Variants in GNLY observed in about 807,000 individuals in gnomAD.
GNLY encodes T-cell activation protein 519.
In GNLY, 15 loss-of-function variants were observed where a neutral mutation model predicts 18.5. The observed-to-expected ratio is 0.81, with a 90% CI of 0.54 to 1.25. The LOEUF is 1.25. GNLY is among the 50% of genes most tolerant of loss of function. The pLI, the probability that GNLY is intolerant of heterozygous loss-of-function variation, is 0.00. For synonymous variants in GNLY, 77 were observed against 74.9 expected, an observed-to-expected ratio of 1.03 and a Z score of -0.14; for missense variants, 178 against 186.9, an observed-to-expected ratio of 0.95 and a Z score of 0.28.
At chr2:85,696,341 A>G (rs1197210240) in intron 3 of GNLY, 8 of 368,230 alleles carry the variant, frequency 2.2e-5, no homozygotes, top group Non-Finnish European at 3.0e-5. Context: ...ATCTTCCCCT[A>G]AAGCCCTAAC....
chr2:85,698,267 G>T (rs1678536696), intron 4 of GNLY: 3 of 632,888 alleles, frequency 4.7e-6, no homozygotes, highest in Non-Finnish European at 8.7e-6. Context: ...AGGAAATGGG[G>T]CCAGAAAGGG....
intron 1 of GNLY, 106 bp from the exon 2 acceptor site, chr2:85,695,214 T>C: frequency 2.3e-6 from 2 of 886,652 alleles, no homozygotes; most frequent in South Asian, 2.9e-5. Flanking sequence ...AAGGCCCAGC[T>C]CCTGTCCTAG....
Position 85,697,571 on chromosome 2 carries a change from C to A in GNLY, c.321C>A (p.Cys107Ter). 6.2e-7 allele frequency: 1 copy of A among 1,613,298 alleles called. No homozygotes were observed. Among genetic ancestry groups the A allele is most frequent in the Non-Finnish European group, 8.5e-7 (1 of 1,179,528 alleles). ...RTGRSRWRDV[C>*]RNFMRRYQSR... ...GGAGGTCACGATGGCGCGACGTCTG[C>A]AGAAATTTCATGAGGAGGTATCAGT... The change falls in exon 4 of 5, where the codon TGC becomes TGA. Residue 107 changes from cysteine (C) to a stop codon, truncating the protein, a stop_gained. Coordinates refer to ENST00000263863, the MANE Select transcript of GNLY (RefSeq NM_006433.5). LOFTEE classifies it high-confidence loss of function.
chr2:85,695,403 C>T lies in GNLY; in HGVS notation c.136C>T (p.Leu46=). The change falls in exon 2 of 5, where the codon CTG becomes TTG. Residue 46 remains leucine, a synonymous_variant. Transcript: ENST00000263863. ...TGATGAGGAGAAATCCTGCCCGTGCCTGGCCCAGGAGGGCCCCCAGGTACG... is the reference window on the plus strand; with the variant it reads ...TGATGAGGAGAAATCCTGCCCGTGCTTGGCCCAGGAGGGCCCCCAGGTACG... The part of the protein sequence containing the change: ...LRDEEKSCPC[L]AQEGPQGDLL... 7 of 1,611,150 alleles carry T rather than the reference C, an allele frequency of 4.3e-6. No homozygotes were observed. Among genetic ancestry groups the T allele is most frequent in the Non-Finnish European group, 5.9e-6 (7 of 1,177,236 alleles).
At chr2:85,695,492 G>A in intron 2 of GNLY, 69 bp downstream of exon 2, 1 of 905,106 alleles carries the variant, frequency 1.1e-6, no homozygotes, top group Non-Finnish European at 1.8e-6. Flanking sequence ...GGCTCCTGGG[G>A]TGAGGTCTGG....
chr2:85,694,777 G>A (rs185269965), intron 1 of GNLY: 1 of 1,443,554 alleles, frequency 6.9e-7, no homozygotes, highest in East Asian at 2.5e-5. Flanking sequence ...TCTGCGTGGT[G>A]AAGGCCATTG....
intron 4 of GNLY, 83 bp downstream of exon 4, chr2:85,697,760 TC>T: frequency 1.1e-6 from 1 of 883,870 alleles, no homozygotes; most frequent in Non-Finnish European, 1.8e-6. Flanking sequence ...GCCTCCTTAC[TC>T]CCCCATCTCC....
At chr2:85,697,254 C>T (rs979927396) in intron 3 of GNLY, 2 of 478,696 alleles carry the variant, frequency 4.2e-6, no homozygotes, top group Non-Finnish European at 7.6e-6. Context: ...GGGACAGGTG[C>T]ACAAGGCGCT....
Position 85,695,530 on chromosome 2 carries a change from T to A in GNLY, c.156+107T>A, listed in dbSNP as rs192029786. The A allele has an allele frequency of 4.1e-4, 289 of 707,866 alleles. 1 individual carries two copies. The African/African-American group carries it at 4.2e-3, about 10-fold the overall frequency. 43.8% of individuals were successfully genotyped at this position (707,866 alleles called of 1,614,324 possible). A position where few individuals can be genotyped will look rare whatever the true frequency, so the allele number is the denominator to read the frequency against. On this transcript the variant is annotated intron_variant, in intron 2 of 4. Transcript: ENST00000263863. ...CTCTCTAATGGTCAGGAGGTGGGAGTGGAGGCTGGGCTGTTTCTGACGATG... is the reference window on the plus strand; with the variant it reads ...CTCTCTAATGGTCAGGAGGTGGGAGAGGAGGCTGGGCTGTTTCTGACGATG...
At chr2:85,698,425 T>C (rs1678544448) in intron 4 of GNLY, 139 bp from the exon 5 acceptor site, 1 of 1,440,992 alleles carries the variant, frequency 6.9e-7, no homozygotes, top group East Asian at 2.3e-5. Context: ...GGCTGCCGAC[T>C]GGCTTCCAGG....
At position 85,697,588 on chromosome 2, in the gene GNLY, G is replaced by C; in HGVS notation, c.338G>C (p.Arg113Thr). 6.2e-7 allele frequency: 1 copy of C among 1,613,214 alleles called. No individual in the cohort carries two copies. Among genetic ancestry groups the C allele is most frequent in the Non-Finnish European group, 8.5e-7 (1 of 1,179,276 alleles). The change falls in exon 4 of 5, where the codon AGG (arginine) becomes ACG (threonine). Residue 113 changes from arginine (R) to threonine (T), a missense_variant. Physicochemically the swap from Arg to Thr is moderately conservative, Grantham distance 71 (BLOSUM62 -1). Coordinates refer to ENST00000263863, the MANE Select transcript of GNLY (RefSeq NM_006433.5). ...WRDVCRNFMR[R>T]YQSRVTQGLV... ...GACGTCTGCAGAAATTTCATGAGGA[G>C]GTATCAGTCTAGAGTTACCCAGGGC...
Position 85,698,579 on chromosome 2 carries a change from T to A in GNLY, c.*5T>A. 1.2e-6 allele frequency: 2 copies of A among 1,613,468 alleles called. No individual in the cohort carries two copies. The highest frequency in any genetic ancestry group is 8.5e-7 in the Non-Finnish European group (1 of 1,179,586). ...TCCTCTCCAGGTCCCCTCTGAGCCCTCTCACCTTGTCCTGTGGAAGAAGCA... is the reference window on the plus strand; with the variant it reads ...TCCTCTCCAGGTCCCCTCTGAGCCCACTCACCTTGTCCTGTGGAAGAAGCA... On this transcript the variant is annotated 3_prime_UTR_variant, in exon 5 of 5. Transcript: ENST00000263863.
chr2:85,695,133 C>A (rs952824389), intron 1 of GNLY, 187 bp from the exon 2 acceptor site: 1 of 934,050 alleles, frequency 1.1e-6, no homozygotes, highest in Non-Finnish European at 1.7e-6. Flanking sequence ...CGTGAGAACA[C>A]GTGTTTGTGC....
chr2:85,694,711 T>A, intron 1 of GNLY: 1 of 1,419,954 alleles, frequency 7.0e-7, no homozygotes, highest in Non-Finnish European at 9.2e-7. Flanking sequence ...CTAACTCTAC[T>A]GGCCACACTG....
intron 3 of GNLY, chr2:85,697,277 G>A (rs554021064): frequency 1.9e-6 from 1 of 538,588 alleles, no homozygotes; most frequent in Non-Finnish European, 3.3e-6. Flanking sequence ...GACCCCAGCA[G>A]GGCTAACTGT....
intron 2 of GNLY, among the ~76,000 whole-genome samples, chr2:85,695,680 C>A (rs1678414664): frequency 6.6e-6 from 1 of 152,172 alleles, no homozygotes; most frequent in African/African-American, 2.4e-5. Flanking sequence ...TAGGCAGACT[C>A]CCCTGGGAGT....
At chr2:85,697,430 T>C in intron 3 of GNLY, 76 bp from the exon 4 acceptor site, 2 of 1,308,844 alleles carry the variant, frequency 1.5e-6, no homozygotes, top group Non-Finnish European at 2.2e-6. Context: ...TTGCTAGGGC[T>C]GCTGGAACCT....
At chr2:85,694,584 G>A (rs1053543149) in intron 1 of GNLY, 114 bp downstream of exon 1, 37 of 1,126,030 alleles carry the variant, frequency 3.3e-5, no homozygotes, top group Admixed American at 6.9e-5. Context: ...GCCTCCCCCC[G>A]GCCTTCTCCC....
chr2:85,698,526 C>T (rs775152125), intron 4 of GNLY, 38 bp from the exon 5 acceptor site: 1 of 1,613,192 alleles, frequency 6.2e-7, no homozygotes, highest in Admixed American at 1.7e-5. Context: ...TGAGGACCCA[C>T]CACATCTGCC....
Sources: gnomAD v4.1 joint callset for allele counts (sites outside exome capture counted in the v4.1 genomes callset) on GRCh38, gnomAD v4.1.1 for gene constraint, MANE v1.5 for transcripts, NCBI Gene and HGNC (gene_info 2026-07-23, HGNC 2026-07-21) for gene names.